The following ENTREP2 variants were observed in gnomAD, a reference collection of about 807,000 sequenced individuals.
ENTREP2 encodes the protein protein ENTREP2.
chr15:29,237,497 T>G, the ENTREP2 span, among the ~76,000 whole-genome samples: 1 of 152,168 alleles, frequency 6.6e-6, no homozygotes, highest in Admixed American at 6.6e-5. Context: ...TTGGTTTTTA[T>G]AAAAGGGATG....
At chr15:29,302,565 A>G in the ENTREP2 span, among the ~76,000 whole-genome samples, 3 of 152,208 alleles carry the variant, frequency 2.0e-5, no homozygotes, top group Non-Finnish European at 4.4e-5. Flanking sequence ...AAATTAATGG[A>G]GAAAAGAGCT....
At chr15:29,307,316 A>T in the ENTREP2 span, among the ~76,000 whole-genome samples, 1 of 152,166 alleles carries the variant, frequency 6.6e-6, no homozygotes, top group South Asian at 2.1e-4. Flanking sequence ...AAGTCAAAAT[A>T]AACGTTTAAA....
chr15:29,478,006 TATATATATATATA>T, the ENTREP2 span, among the ~76,000 whole-genome samples: 5 of 76,970 alleles, frequency 6.5e-5, no homozygotes, highest in Non-Finnish European at 9.7e-5. Context: ...TATATATATA[TATATATATATATA>T]TTTTTTTTTT....
At chr15:29,444,230 G>A in the ENTREP2 span, among the ~76,000 whole-genome samples, 1 of 147,308 alleles carries the variant, frequency 6.8e-6, no homozygotes, top group Non-Finnish European at 1.5e-5. Flanking sequence ...AAGAAAGAAA[G>A]AAAGAAAGAA....
the ENTREP2 span, chr15:29,269,136 G>C: frequency 6.2e-7 from 1 of 1,614,152 alleles, no homozygotes; most frequent in Non-Finnish European, 8.5e-7. Context: ...TGATGGTGTT[G>C]CCCTTCATAA....
chr15:29,483,742 T>C, the ENTREP2 span, among the ~76,000 whole-genome samples: 11 of 152,262 alleles, frequency 7.2e-5, no homozygotes, highest in Non-Finnish European at 1.5e-4. Flanking sequence ...TCCTTCGCTA[T>C]TGTGTCAACT....
chr15:29,278,980 G>A, the ENTREP2 span, among the ~76,000 whole-genome samples: 1 of 152,168 alleles, frequency 6.6e-6, no homozygotes, highest in Non-Finnish European at 1.5e-5. Context: ...TTCTCACTGT[G>A]TTCTCAGCTG....
the ENTREP2 span, among the ~76,000 whole-genome samples, chr15:29,333,953 G>A: frequency 6.6e-6 from 1 of 152,018 alleles, no homozygotes; most frequent in South Asian, 2.1e-4. Context: ...TACAAGCCAA[G>A]GAACGTCACG....
chr15:29,172,100 A>G, the ENTREP2 span, among the ~76,000 whole-genome samples: 15 of 152,190 alleles, frequency 9.9e-5, no homozygotes, highest in South Asian at 4.1e-4. Context: ...TCTTTTGCTT[A>G]GGAATTGGAA....
At chr15:29,247,008 C>CAT in the ENTREP2 span, among the ~76,000 whole-genome samples, 9 of 151,892 alleles carry the variant, frequency 5.9e-5, no homozygotes, top group Middle Eastern at 3.4e-3. Flanking sequence ...CACACACACA[C>CAT]ACACACGCAA....
the ENTREP2 span, among the ~76,000 whole-genome samples, chr15:29,409,895 A>G: frequency 6.6e-6 from 1 of 152,200 alleles, no homozygotes; most frequent in Non-Finnish European, 1.5e-5. Flanking sequence ...ACGTTGAATG[A>G]CATCTTCACG....
chr15:29,474,375 A>G, the ENTREP2 span, among the ~76,000 whole-genome samples: 1 of 152,148 alleles, frequency 6.6e-6, no homozygotes, highest in African/African-American at 2.4e-5. Context: ...CAGTTCACAC[A>G]GATCAGCCCT....
At chr15:29,332,101 AC>A in the ENTREP2 span, among the ~76,000 whole-genome samples, 1 of 152,252 alleles carries the variant, frequency 6.6e-6, no homozygotes, top group Non-Finnish European at 1.5e-5. Flanking sequence ...AATAGGCAAA[AC>A]TACAGACAAA....
the ENTREP2 span, among the ~76,000 whole-genome samples, chr15:29,214,072 C>T: frequency 2.6e-5 from 4 of 152,156 alleles, no homozygotes; most frequent in Non-Finnish European, 5.9e-5. Flanking sequence ...GAAATAGGAA[C>T]ACTTTTACAC....
the ENTREP2 span, among the ~76,000 whole-genome samples, chr15:29,456,242 G>A: frequency 3.9e-5 from 6 of 152,060 alleles, no homozygotes; most frequent in Non-Finnish European, 8.8e-5. Context: ...AGTAAATCTT[G>A]ACCCAATACC....
At chr15:29,298,355 G>T in the ENTREP2 span, among the ~76,000 whole-genome samples, 43 of 149,064 alleles carry the variant, frequency 2.9e-4, no homozygotes, top group Non-Finnish European at 1.0e-4. Flanking sequence ...TAAATCTTCA[G>T]AAAAGAGAAA....
chr15:29,128,807 C>A, the ENTREP2 span: 8 of 1,551,018 alleles, frequency 5.2e-6, no homozygotes, highest in Non-Finnish European at 7.0e-6. Context: ...CTGAAGCCAG[C>A]ACTGGTGTTT....
the ENTREP2 span, among the ~76,000 whole-genome samples, chr15:29,413,645 G>T: frequency 2.0e-5 from 3 of 152,040 alleles, no homozygotes; most frequent in Non-Finnish European, 4.4e-5. Context: ...ACATACGTAC[G>T]GTATTTTGCT....
At chr15:29,482,208 C>T in the ENTREP2 span, among the ~76,000 whole-genome samples, 1 of 146,112 alleles carries the variant, frequency 6.8e-6, no homozygotes, top group Non-Finnish European at 1.5e-5. Context: ...TGGGATTTCA[C>T]CATGTTGGCC....
Sources: allele counts gnomAD v4.1 joint callset (sites outside exome capture counted in the v4.1 genomes callset), GRCh38; gene constraint gnomAD v4.1.1; transcripts MANE v1.5; gene names NCBI Gene and HGNC (gene_info 2026-07-23, HGNC 2026-07-21).